The following TMCO5A variants were observed in gnomAD, a reference collection of about 807,000 sequenced individuals.
TMCO5A encodes the protein transmembrane and coiled-coil domain-containing protein 5A.
In TMCO5A, 34 loss-of-function variants were observed where a neutral mutation model predicts 42.3. The ratio of observed to expected loss-of-function variants is 0.80; its 90% CI spans 0.61 to 1.07. The LOEUF (loss-of-function observed/expected upper bound fraction) is 1.07. TMCO5A is among the 50% of genes least tolerant of loss of function. The probability of loss-of-function intolerance (pLI) is 0.00; values close to 1 mark genes in which losing one functional copy is unlikely to be tolerated. For missense variants in TMCO5A, 357 were observed against 327.9 expected (o/e 1.09, Z -0.69); for synonymous variants, 131 against 115.6 (o/e 1.13, Z -0.86).
chr15:37,989,595 T>C, the TMCO5A span, among the ~76,000 whole-genome samples: 23 of 152,122 alleles, frequency 1.5e-4, no homozygotes, highest in African/African-American at 5.3e-4. Context: ...AATTCATGAA[T>C]TTTCCAATTT....
At chr15:37,944,487 C>A (rs888596126) in intron 10 of TMCO5A, 1 of 152,048 alleles carries the variant, frequency 6.6e-6, no homozygotes, top group African/African-American at 2.4e-5. Flanking sequence ...AGACAGGATG[C>A]CTGAGAACTG....
chr15:37,966,857 T>G, exon 12 of TMCO5A: 1 of 596,906 alleles, frequency 1.7e-6, no homozygotes, highest in South Asian at 2.1e-5. Context: ...TTCAGCCCCT[T>G]ACTAAGGATT....
At chr15:37,962,181 T>C (rs1490807135) in intron 11 of TMCO5A, among the ~76,000 whole-genome samples, 1 of 152,176 alleles carries the variant, frequency 6.6e-6, no homozygotes, top group Non-Finnish European at 1.5e-5. Context: ...TGATTTGTCA[T>C]AGATGGCTTT....
exon 12 of TMCO5A, chr15:37,966,679 T>G (rs1427054019): frequency 1.4e-6 from 1 of 702,934 alleles, no homozygotes; most frequent in Admixed American, 2.0e-5. Context: ...GATCTCGTAC[T>G]ACCAGATTGG....
chr15:37,937,270 G>A, intron 4 of TMCO5A, 76 bp from the exon 5 acceptor site: 5 of 1,528,558 alleles, frequency 3.3e-6, no homozygotes, highest in South Asian at 1.1e-5. Context: ...TAGCTGGGGT[G>A]AAATGGACAG....
chr15:37,976,793 C>CTTTTTTTTTTTTTTTTTTTT, the TMCO5A span, among the ~76,000 whole-genome samples: 5 of 116,850 alleles, frequency 4.3e-5, no homozygotes, highest in African/African-American at 7.0e-5. Context: ...TTTCTTCTTT[C>CTTTTTTTTTTTTTTTTTTTT]TTTTTTTTTT....
chr15:38,019,763 T>G, the TMCO5A span, among the ~76,000 whole-genome samples: 1 of 149,720 alleles, frequency 6.7e-6, no homozygotes, highest in Non-Finnish European at 1.5e-5. Context: ...AGTGCCACTA[T>G]GTCTGGCTAA....
the TMCO5A span, among the ~76,000 whole-genome samples, chr15:38,012,323 G>T: frequency 6.6e-6 from 1 of 152,060 alleles, no homozygotes; most frequent in Non-Finnish European, 1.5e-5. Context: ...CTGTCCTTTT[G>T]TTTCACTAAC....
chr15:37,937,096 A>C, intron 4 of TMCO5A, 126 bp downstream of exon 4: 2 of 1,433,318 alleles, frequency 1.4e-6, no homozygotes, highest in Non-Finnish European at 1.9e-6. Flanking sequence ...AGTCATGATA[A>C]AATTTGTCCA....
the TMCO5A span, among the ~76,000 whole-genome samples, chr15:38,027,194 T>C: frequency 6.6e-6 from 1 of 151,886 alleles, no homozygotes; most frequent in African/African-American, 2.4e-5. Context: ...GACACTCAAT[T>C]CCAGCCCAGG....
chr15:37,942,291 G>C, intron 9 of TMCO5A, 36 bp downstream of exon 9: 1 of 1,600,514 alleles, frequency 6.2e-7, no homozygotes, highest in Non-Finnish European at 8.5e-7. Flanking sequence ...GGTTTTGGTA[G>C]AAACTCCATC....
the TMCO5A span, among the ~76,000 whole-genome samples, chr15:37,987,592 T>G: frequency 6.6e-6 from 1 of 152,020 alleles, no homozygotes; most frequent in South Asian, 2.1e-4. Flanking sequence ...GGTCATACAG[T>G]TTACCCAGGA....
chr15:37,981,933 CA>C, the TMCO5A span, among the ~76,000 whole-genome samples: 1 of 152,222 alleles, frequency 6.6e-6, no homozygotes, highest in Non-Finnish European at 1.5e-5. Flanking sequence ...GCCTTTGAAG[CA>C]GTGTATTCCC....
chr15:37,951,320 A>G lies in TMCO5A; in HGVS notation c.*86A>G. ...GGCATGAAACTTGTGGAGGAAAGAG[A>G]TTTGCTTCAGTTTTTTCCTCACCGT... On this transcript the variant is annotated 3_prime_UTR_variant, in exon 12 of 12. Transcript: ENST00000319669. 1 of 1,373,492 alleles carries G rather than the reference A, an allele frequency of 7.3e-7. No homozygotes were observed. Among genetic ancestry groups the G allele is most frequent in the Non-Finnish European group, 1.0e-6 (1 of 986,806 alleles). The allele number at this position is 1,373,492 out of a possible 1,614,324, so 85.1% of individuals were successfully genotyped here.
chr15:38,022,703 T>G, the TMCO5A span, among the ~76,000 whole-genome samples: 1 of 152,150 alleles, frequency 6.6e-6, no homozygotes, highest in Non-Finnish European at 1.5e-5. Context: ...TTGTAACAAA[T>G]GTACCACTTT....
At chr15:37,971,970 G>C (rs567834259), downstream of TMCO5A, among the ~76,000 whole-genome samples, 1 of 152,212 alleles carries the variant, frequency 6.6e-6, no homozygotes, top group South Asian at 2.1e-4. Flanking sequence ...TCCAACCTCT[G>C]CCTGTTACCA....
the TMCO5A span, among the ~76,000 whole-genome samples, chr15:38,011,772 G>A: frequency 6.6e-6 from 1 of 152,042 alleles, no homozygotes; most frequent in African/African-American, 2.4e-5. Context: ...TTGCTTCCAC[G>A]TGTTTCTGTG....
the TMCO5A span, among the ~76,000 whole-genome samples, chr15:37,999,083 T>C: frequency 6.6e-6 from 1 of 152,284 alleles, no homozygotes; most frequent in Admixed American, 6.5e-5. Flanking sequence ...ATTTTACATT[T>C]TTAGTAGAGA....
chr15:37,960,422 C>G (rs1890393964), intron 11 of TMCO5A, among the ~76,000 whole-genome samples: 1 of 151,930 alleles, frequency 6.6e-6, no homozygotes, highest in Non-Finnish European at 1.5e-5. Flanking sequence ...ATTTTTTTAT[C>G]CATTAGTTGA....
Sources: allele counts gnomAD v4.1 joint callset (sites outside exome capture counted in the v4.1 genomes callset), GRCh38; gene constraint gnomAD v4.1.1; transcripts MANE v1.5; gene names NCBI Gene and HGNC (gene_info 2026-07-23, HGNC 2026-07-21).